Variants in AGBL4 observed in about 807,000 individuals in gnomAD.
AGBL4 encodes AGBL carboxypeptidase 4, also known as cytosolic carboxypeptidase 6.
In AGBL4, 58 loss-of-function variants were observed where a neutral mutation model predicts 66.4. That is an observed-to-expected ratio of 0.87 (90% CI 0.71 to 1.09). The LOEUF is 1.09. Ranked by LOEUF, AGBL4 falls within the 50% of genes least tolerant of loss-of-function variation. AGBL4 has a pLI of 0.00. For missense variants in AGBL4, 579 were observed against 631.0 expected (o/e 0.92, Z 0.88); for synonymous variants, 234 against 222.9 (o/e 1.05, Z -0.44).
chr1:49,398,043 T>C (rs1645007062), intron 3 of AGBL4, among the ~76,000 whole-genome samples: 1 of 152,232 alleles, frequency 6.6e-6, no homozygotes, highest in South Asian at 2.1e-4. Flanking sequence ...TAATACAATA[T>C]GCTCAAAATG....
chr1:49,053,730 C>T (rs564830964), intron 4 of AGBL4, among the ~76,000 whole-genome samples: 3 of 152,006 alleles, frequency 2.0e-5, no homozygotes, highest in African/African-American at 4.8e-5. Flanking sequence ...CCCTTTTATC[C>T]GCAATGAGCT....
chr1:48,906,567 C>A (rs1011286634), intron 5 of AGBL4, among the ~76,000 whole-genome samples: 7 of 152,014 alleles, frequency 4.6e-5, no homozygotes, highest in African/African-American at 1.7e-4. Flanking sequence ...AGATGGGCCC[C>A]CAGGTCAGAG....
At chr1:49,102,798 T>C (rs478808) in intron 4 of AGBL4, among the ~76,000 whole-genome samples, 15 of 152,244 alleles carry the variant, frequency 9.9e-5, no homozygotes, top group African/African-American at 2.2e-4. Context: ...TACATTTGCA[T>C]TGGTGTTTGA....
chr1:49,245,574 T>A (rs1651576067), intron 4 of AGBL4, among the ~76,000 whole-genome samples, 196 bp downstream of exon 4: 1 of 151,848 alleles, frequency 6.6e-6, no homozygotes, highest in Non-Finnish European at 1.5e-5. Context: ...ATACAGAAAC[T>A]CATCCTCATT....
intron 5 of AGBL4, among the ~76,000 whole-genome samples, chr1:48,982,441 A>C (rs1286786982): frequency 2.0e-5 from 3 of 151,376 alleles, no homozygotes; most frequent in Admixed American, 2.0e-4. Context: ...TGAGAACATG[A>C]GGTGTTTGGT....
At position 49,948,106 on chromosome 1, in the gene AGBL4, A is replaced by G. The variant is rs1334750974; in HGVS notation, c.34+75657T>C. 2.7e-4 allele frequency among the ~76,000 whole-genome samples: 24 copies of G among 89,046 alleles called. No individual in the cohort carries two copies. In the East Asian group the frequency reaches 3.8e-3, roughly 14 times the overall value. 58.4% of individuals were successfully genotyped at this position (89,046 alleles called of 152,430 possible). ...TGTAAATATATGTATATGTATATATATGTAAATGTATGTAAATATATATAA... is the reference window on the plus strand; with the variant it reads ...TGTAAATATATGTATATGTATATATGTGTAAATGTATGTAAATATATATAA... On this transcript the variant is annotated intron_variant, in intron 1 of 13. Transcript: ENST00000371839.
chr1:49,930,406 A>G (rs1277326924), intron 1 of AGBL4, among the ~76,000 whole-genome samples: 1 of 152,142 alleles, frequency 6.6e-6, no homozygotes, highest in Non-Finnish European at 1.5e-5. Context: ...CCAACTCTAC[A>G]CAAACTCTTT....
At chr1:49,160,889 G>A (rs1270618370) in intron 4 of AGBL4, among the ~76,000 whole-genome samples, 5 of 152,158 alleles carry the variant, frequency 3.3e-5, no homozygotes, top group Non-Finnish European at 7.3e-5. Context: ...GCAATGGCCA[G>A]TGCCCCTCCC....
chr1:49,273,857 T>A (rs1364213947), intron 3 of AGBL4, among the ~76,000 whole-genome samples: 1 of 151,876 alleles, frequency 6.6e-6, no homozygotes, highest in Non-Finnish European at 1.5e-5. Context: ...TTGTTTTGTA[T>A]TTTTTTAGTA....
chr1:49,221,253 C>T (rs1419262068), intron 4 of AGBL4, among the ~76,000 whole-genome samples: 1 of 152,046 alleles, frequency 6.6e-6, no homozygotes, highest in East Asian at 1.9e-4. Context: ...AGCATTATAG[C>T]TGAGTCTTAA....
chr1:48,743,178 C>A (rs1194958513), intron 6 of AGBL4, among the ~76,000 whole-genome samples: 1 of 152,074 alleles, frequency 6.6e-6, no homozygotes, highest in East Asian at 1.9e-4. Flanking sequence ...TGGAGAAGGC[C>A]GTAACAGAAG....
chr1:48,673,818 A>G (rs17104636), intron 6 of AGBL4, among the ~76,000 whole-genome samples: 8,598 of 152,292 alleles, frequency 0.056, 813 homozygotes, highest in African/African-American at 0.2. Context: ...GCCCAGGACT[A>G]TACAGTTTAT....
intron 3 of AGBL4, among the ~76,000 whole-genome samples, chr1:49,430,171 T>C (rs35730878): frequency 2.0e-5 from 3 of 151,994 alleles, no homozygotes; most frequent in African/African-American, 7.2e-5. Flanking sequence ...CATTTCCTTG[T>C]TCACCTCAGA....
At chr1:49,989,646 G>T (rs1282717437) in intron 1 of AGBL4, among the ~76,000 whole-genome samples, 5 of 152,092 alleles carry the variant, frequency 3.3e-5, no homozygotes, top group Admixed American at 3.3e-4. Flanking sequence ...AGGACTATCA[G>T]AAATTCTCCT....
At chr1:48,755,189 C>G (rs1652358194) in intron 6 of AGBL4, among the ~76,000 whole-genome samples, 1 of 152,162 alleles carries the variant, frequency 6.6e-6, no homozygotes, top group Admixed American at 6.5e-5. Flanking sequence ...CCAAGGTGCG[C>G]CATTACAACT....
chr1:49,384,872 T>G lies in AGBL4; in HGVS notation c.283-139008A>C, dbSNP rs181568473. Among the ~76,000 whole-genome samples, 355 of 152,234 alleles carry G rather than the reference T, an allele frequency of 2.3e-3. 3 individuals carry two copies. The highest frequency in any genetic ancestry group is 2.9e-3 in the Admixed American group (44 of 15,292). ...CTTCTGGGCATATATCCAAAAATAATTGAAAGAAGGATCTCAAAGAATTAT... is the reference window on the plus strand; with the variant it reads ...CTTCTGGGCATATATCCAAAAATAAGTGAAAGAAGGATCTCAAAGAATTAT... On this transcript the variant is annotated intron_variant, in intron 3 of 13. Coordinates refer to ENST00000371839, the MANE Select transcript of AGBL4 (RefSeq NM_032785.4).
At chr1:49,200,339 T>C (rs1647589418) in intron 4 of AGBL4, among the ~76,000 whole-genome samples, 1 of 152,226 alleles carries the variant, frequency 6.6e-6, no homozygotes, top group African/African-American at 2.4e-5. Context: ...CAGAATGCTT[T>C]TGACAACAGC....
chr1:49,204,154 T>C (rs1010742981), intron 4 of AGBL4, among the ~76,000 whole-genome samples: 9 of 152,164 alleles, frequency 5.9e-5, no homozygotes, highest in Non-Finnish European at 1.0e-4. Context: ...GAGGGGACTG[T>C]ATGCAGTTTA....
intron 1 of AGBL4, among the ~76,000 whole-genome samples, chr1:49,894,593 T>C (rs1385993060): frequency 1.3e-5 from 2 of 152,058 alleles, no homozygotes; most frequent in Non-Finnish European, 2.9e-5. Context: ...CAAGCAGAAA[T>C]TCTGGAGTTG....
Sources: allele counts gnomAD v4.1 joint callset (sites outside exome capture counted in the v4.1 genomes callset), GRCh38; gene constraint gnomAD v4.1.1; transcripts MANE v1.5; gene names NCBI Gene and HGNC (gene_info 2026-07-23, HGNC 2026-07-21).